FBXL17: variants seen among roughly 807,000 people sequenced by gnomAD.
FBXL17 encodes the protein F-box and leucine rich repeat protein 17, also known as F-box/LRR-repeat protein 17.
FBXL17 carries 22 observed loss-of-function variants against 66.2 expected under a neutral mutation model. The ratio of observed to expected loss-of-function variants is 0.33; its 90% confidence interval spans 0.24 to 0.47. The LOEUF (loss-of-function observed/expected upper bound fraction) is 0.47, where lower values mean the gene tolerates loss of function less well. Ranked by LOEUF, FBXL17 falls within the 20% of genes least tolerant of loss-of-function variation. The pLI is 1.00. For missense variants in FBXL17, 878 were observed against 948.2 expected (o/e 0.93, Z 0.97); for synonymous variants, 474 against 400.5 (o/e 1.18, Z -2.19).
intron 4 of FBXL17, among the ~76,000 whole-genome samples, chr5:108,264,766 T>C (rs188084573): frequency 6.4e-4 from 98 of 152,148 alleles, no homozygotes; most frequent in African/African-American, 2.2e-3. Flanking sequence ...ATAACTTCAG[T>C]TGAATAAATC....
intron 8 of FBXL17, among the ~76,000 whole-genome samples, chr5:107,866,333 T>C: frequency 6.6e-6 from 1 of 152,226 alleles, no homozygotes; most frequent in East Asian, 1.9e-4. Context: ...CTCCAAATGC[T>C]GCATAACCAT....
In FBXL17 at chr5:108,082,103, C is replaced by T. The variant is rs532351882; in HGVS notation, c.1746-61102G>A. Reference sequence around the variant, plus strand: ...AACTATAATCCTACCTCTATCCTGACACTATGACCTTTGGAAAGTTACTCA... The same window carrying T: ...AACTATAATCCTACCTCTATCCTGATACTATGACCTTTGGAAAGTTACTCA... On this transcript the variant is annotated intron_variant, in intron 6 of 8. Coordinates refer to ENST00000542267, the MANE Select transcript of FBXL17 (RefSeq NM_001163315.3). 2.2e-3 allele frequency among the ~76,000 whole-genome samples: 333 copies of T among 152,196 alleles called. 2 individuals are homozygous for T. Among genetic ancestry groups the T allele is most frequent in the African/African-American group, 7.3e-3 (305 of 41,518 alleles).
intron 7 of FBXL17, among the ~76,000 whole-genome samples, chr5:107,969,409 A>G (rs73204750): frequency 1.4e-3 from 209 of 152,322 alleles, no homozygotes; most frequent in African/African-American, 4.3e-3. Flanking sequence ...TAATGGATAC[A>G]GCCTAAACAT....
chr5:108,320,507 A>G (rs1480223175), intron 4 of FBXL17, among the ~76,000 whole-genome samples: 1 of 151,836 alleles, frequency 6.6e-6, no homozygotes, highest in Non-Finnish European at 1.5e-5. Flanking sequence ...AAATTGGACT[A>G]TAATAATTCA....
intron 5 of FBXL17, among the ~76,000 whole-genome samples, chr5:108,200,937 C>A (rs1426338493): frequency 2.6e-5 from 4 of 152,118 alleles, no homozygotes; most frequent in Admixed American, 6.6e-5. Flanking sequence ...GAAGCGGGAT[C>A]TCAAAACCAA....
In FBXL17 at chr5:107,920,172, C is replaced by T. The variant is rs146094453; in HGVS notation, c.1823-38993G>A. ...CAAACTGAGAACCAAAGTGACAGGG[C>T]CAATCACATTCATATTGAAACTGTG... On this transcript the variant is annotated intron_variant, in intron 7 of 8. Transcript: ENST00000542267. Among the ~76,000 whole-genome samples the T allele has an allele frequency of 2.0e-4, 30 of 152,196 alleles. No individual in the cohort carries two copies. The East Asian group carries it at 5.2e-3, about 26-fold the overall frequency.
chr5:107,887,749 A>G (rs796316273), intron 7 of FBXL17, among the ~76,000 whole-genome samples: 4 of 152,286 alleles, frequency 2.6e-5, no homozygotes, highest in African/African-American at 9.6e-5. Flanking sequence ...GCTGTTCAGG[A>G]GAATCACAGG....
At chr5:108,041,297 T>C (rs1041537396) in intron 6 of FBXL17, among the ~76,000 whole-genome samples, 8 of 152,190 alleles carry the variant, frequency 5.3e-5, no homozygotes, top group Non-Finnish European at 1.2e-4. Context: ...ACCTTCACAA[T>C]TGGGTGTTAA....
intron 6 of FBXL17, among the ~76,000 whole-genome samples, chr5:108,062,728 C>T (rs1442373431): frequency 2.6e-5 from 4 of 152,042 alleles, no homozygotes; most frequent in African/African-American, 9.7e-5. Flanking sequence ...TATTTCATTT[C>T]TATGGCTTAT....
chr5:108,040,207 A>G (rs185610311), intron 6 of FBXL17, among the ~76,000 whole-genome samples: 1 of 152,256 alleles, frequency 6.6e-6, no homozygotes, highest in Admixed American at 6.5e-5. Flanking sequence ...TGGAGTTTCT[A>G]CCTTCACTCT....
intron 6 of FBXL17, among the ~76,000 whole-genome samples, chr5:108,149,081 A>G (rs1751669467): frequency 1.3e-5 from 2 of 152,200 alleles, no homozygotes; most frequent in Non-Finnish European, 2.9e-5. Context: ...GGTTCTAATT[A>G]TATGACTCCA....
At chr5:108,368,888 T>C (rs1278637100) in intron 1 of FBXL17, among the ~76,000 whole-genome samples, 2 of 149,458 alleles carry the variant, frequency 1.3e-5, no homozygotes, top group African/African-American at 4.9e-5. Context: ...TCCCATTTTA[T>C]TCCTAAATAA....
At chr5:107,901,247 G>A (rs976633960) in intron 7 of FBXL17, among the ~76,000 whole-genome samples, 22 of 152,072 alleles carry the variant, frequency 1.4e-4, no homozygotes, top group Admixed American at 6.6e-4. Context: ...ACTTTACAGT[G>A]GGTTACTTCA....
intron 6 of FBXL17, among the ~76,000 whole-genome samples, chr5:108,158,550 T>C (rs1437053575): frequency 6.6e-6 from 1 of 151,498 alleles, no homozygotes; most frequent in East Asian, 1.9e-4. Context: ...CATTTGCACA[T>C]GTGCATCCAT....
chr5:108,361,990 C>T (rs1455540001), intron 3 of FBXL17, among the ~76,000 whole-genome samples: 1 of 152,138 alleles, frequency 6.6e-6, no homozygotes, highest in African/African-American at 2.4e-5. Flanking sequence ...TTCTTTCCAC[C>T]TTTCAGTTGC....
At chr5:108,257,039 T>C (rs543538484) in intron 4 of FBXL17, among the ~76,000 whole-genome samples, 2 of 152,332 alleles carry the variant, frequency 1.3e-5, no homozygotes, top group South Asian at 4.1e-4. Context: ...TACCAGCCTC[T>C]GGCTGAATAG....
chr5:108,322,169 A>G (rs1468486176), intron 4 of FBXL17, among the ~76,000 whole-genome samples: 1 of 151,912 alleles, frequency 6.6e-6, no homozygotes, highest in Non-Finnish European at 1.5e-5. Context: ...GGGCCTGTAC[A>G]CTCTGACTCA....
At chr5:108,113,451 T>A (rs532657504) in intron 6 of FBXL17, among the ~76,000 whole-genome samples, 272 of 152,158 alleles carry the variant, frequency 1.8e-3, no homozygotes, top group African/African-American at 6.2e-3. Flanking sequence ...TATATATATA[T>A]AAATAAATTT....
intron 6 of FBXL17, among the ~76,000 whole-genome samples, chr5:108,073,499 T>C (rs1256714456): frequency 1.3e-5 from 2 of 151,702 alleles, no homozygotes; most frequent in Non-Finnish European, 2.9e-5. Flanking sequence ...ATATTACACA[T>C]GAAGAAACGA....
Sources: gnomAD v4.1 joint callset for allele counts (sites outside exome capture counted in the v4.1 genomes callset) on GRCh38, gnomAD v4.1.1 for gene constraint, MANE v1.5 for transcripts, NCBI Gene and HGNC (gene_info 2026-07-23, HGNC 2026-07-21) for gene names.